The following SLC14A2 variants were observed in gnomAD, a reference collection of about 807,000 sequenced individuals.
The protein encoded by SLC14A2 is solute carrier family 14 member 2, also known as urea transporter 2.
A neutral mutation model predicts 104.6 loss-of-function variants in SLC14A2; 91 were observed. The observed-to-expected ratio is 0.87, with a 90% CI of 0.73 to 1.04. The LOEUF (loss-of-function observed/expected upper bound fraction) is 1.04. SLC14A2 is among the 50% of genes least tolerant of loss of function. The pLI, the probability that SLC14A2 is intolerant of heterozygous loss-of-function variation, is 0.00. For synonymous variants in SLC14A2, 476 were observed against 466.4 expected, an observed-to-expected ratio of 1.02 and a Z score of -0.27; for missense variants, 1,189 against 1,156.0, an observed-to-expected ratio of 1.03 and a Z score of -0.41.
intron 1 of SLC14A2, among the ~76,000 whole-genome samples, chr18:45,275,589 A>G (rs888523823): frequency 6.6e-6 from 1 of 152,208 alleles, no homozygotes; most frequent in Non-Finnish European, 1.5e-5. Flanking sequence ...TGCCAGAGCT[A>G]TTGTGATCAA....
intron 19 of SLC14A2, among the ~76,000 whole-genome samples, chr18:45,679,322 T>G (rs1282453398): frequency 6.6e-6 from 1 of 152,230 alleles, no homozygotes; most frequent in Non-Finnish European, 1.5e-5. Flanking sequence ...CTATAACTAT[T>G]TTTAAATCTT....
chr18:45,565,129 T>C (rs1177892561), intron 2 of SLC14A2, among the ~76,000 whole-genome samples: 2 of 131,092 alleles, frequency 1.5e-5, no homozygotes, highest in African/African-American at 7.1e-5. Context: ...CATGTGCTTC[T>C]TTTTTTTTTT....
At chr18:45,639,688 G>A in intron 6 of SLC14A2, 58 bp from the exon 7 acceptor site, 1 of 1,579,908 alleles carries the variant, frequency 6.3e-7, no homozygotes, top group South Asian at 1.1e-5. Context: ...CTGGCCCTGA[G>A]TCTGGTTTTT....
the SLC14A2 span, among the ~76,000 whole-genome samples, chr18:45,182,010 G>T: frequency 7.9e-5 from 12 of 152,042 alleles, no homozygotes; most frequent in African/African-American, 2.9e-4. Flanking sequence ...CAAAATATAT[G>T]ATTTATGGCC....
chr18:45,552,606 T>C (rs1056502560), intron 2 of SLC14A2, among the ~76,000 whole-genome samples: 1 of 152,164 alleles, frequency 6.6e-6, no homozygotes, highest in Non-Finnish European at 1.5e-5. Context: ...TATGTGGTGC[T>C]GGGTGTGTGT....
intron 2 of SLC14A2, among the ~76,000 whole-genome samples, chr18:45,576,593 GGCT>G: frequency 6.6e-6 from 1 of 151,996 alleles, no homozygotes; most frequent in Non-Finnish European, 1.5e-5. Context: ...TCTTCTTAAA[GGCT>G]TCTTCAGTGT....
chr18:45,580,214 A>G (rs2044469952), intron 2 of SLC14A2, among the ~76,000 whole-genome samples: 1 of 152,348 alleles, frequency 6.6e-6, no homozygotes, highest in African/African-American at 2.4e-5. Context: ...GACAGTGGGG[A>G]CAGGAAGGAG....
chr18:45,671,604 C>A (rs746852154), intron 16 of SLC14A2, among the ~76,000 whole-genome samples: 2 of 152,124 alleles, frequency 1.3e-5, no homozygotes, highest in Non-Finnish European at 2.9e-5. Flanking sequence ...GTCCCCTTTG[C>A]CCTGCATGGT....
intron 1 of SLC14A2, among the ~76,000 whole-genome samples, chr18:45,307,333 G>T (rs148359039): frequency 3.3e-5 from 5 of 149,740 alleles, no homozygotes; most frequent in Non-Finnish European, 7.4e-5. Flanking sequence ...CAGGAGAATC[G>T]CTTGAACCCG....
intron 1 of SLC14A2, among the ~76,000 whole-genome samples, chr18:45,324,019 G>C (rs1160911765): frequency 1.3e-5 from 2 of 152,218 alleles, no homozygotes; most frequent in Non-Finnish European, 2.9e-5. Context: ...ATGTGAAAGA[G>C]ACGTTATAAT....
At chr18:45,615,688 A>T (rs970188663) in intron 1 of SLC14A2, 106 bp downstream of exon 1, 2 of 151,134 alleles carry the variant, frequency 1.3e-5, no homozygotes, top group African/African-American at 4.9e-5. Flanking sequence ...GGGAGCCAGG[A>T]TTTGAATCCA....
chr18:45,203,360 A>G, the SLC14A2 span, among the ~76,000 whole-genome samples: 2 of 152,160 alleles, frequency 1.3e-5, no homozygotes, highest in African/African-American at 2.4e-5. Flanking sequence ...TCTCAAAACC[A>G]TCACTTCAAG....
At chr18:45,516,586 A>ATTCCATAATCATTCAT (rs1441355663) in intron 2 of SLC14A2, among the ~76,000 whole-genome samples, 1 of 152,178 alleles carries the variant, frequency 6.6e-6, no homozygotes, top group Non-Finnish European at 1.5e-5. Context: ...AGGGGAGGAG[A>ATTCCATAATCATTCAT]TTCCATAATC....
intron 1 of SLC14A2, among the ~76,000 whole-genome samples, chr18:45,343,044 C>T (rs993697951): frequency 3.3e-5 from 5 of 151,978 alleles, no homozygotes; most frequent in East Asian, 1.9e-4. Context: ...CTAGCAGTAG[C>T]GGGAGGCCAG....
At chr18:45,577,894 GA>G (rs1338602217) in intron 2 of SLC14A2, among the ~76,000 whole-genome samples, 2 of 152,144 alleles carry the variant, frequency 1.3e-5, no homozygotes, top group Non-Finnish European at 2.9e-5. Flanking sequence ...ATGGCATTCA[GA>G]AAAATAATAA....
chr18:45,259,803 T>C (rs2084517049), intron 1 of SLC14A2, among the ~76,000 whole-genome samples: 1 of 152,218 alleles, frequency 6.6e-6, no homozygotes, highest in Non-Finnish European at 1.5e-5. Context: ...TCTGAAGGTA[T>C]ATTCTTGGAA....
chr18:45,293,179 AC>A (rs767257349), intron 1 of SLC14A2, among the ~76,000 whole-genome samples: 7 of 152,146 alleles, frequency 4.6e-5, no homozygotes, highest in Non-Finnish European at 7.3e-5. Context: ...CCCATGGAGA[AC>A]CTTTTTTGAC....
chr18:45,347,930 C>T (rs1420358777), intron 1 of SLC14A2, among the ~76,000 whole-genome samples: 1 of 152,242 alleles, frequency 6.6e-6, no homozygotes, highest in East Asian at 1.9e-4. Flanking sequence ...TCCCAACCCA[C>T]TTTATCTATG....
chr18:45,197,763 T>C, the SLC14A2 span, among the ~76,000 whole-genome samples: 1 of 152,220 alleles, frequency 6.6e-6, no homozygotes, highest in Non-Finnish European at 1.5e-5. Context: ...TGACCATTCA[T>C]GTTGAAAATG....
Sources: allele counts gnomAD v4.1 joint callset (sites outside exome capture counted in the v4.1 genomes callset), GRCh38; gene constraint gnomAD v4.1.1; transcripts MANE v1.5; gene names NCBI Gene and HGNC (gene_info 2026-07-23, HGNC 2026-07-21).